PRKAR1B: variants seen among roughly 807,000 people sequenced by gnomAD.
PRKAR1B encodes cAMP-dependent protein kinase type I-beta regulatory subunit.
In PRKAR1B, 22 loss-of-function variants were observed where a neutral mutation model predicts 46.5. The observed-to-expected ratio is 0.47, with a 90% CI of 0.34 to 0.68. The LOEUF is 0.68. PRKAR1B is among the 30% of genes least tolerant of loss of function. PRKAR1B has a pLI of 0.01. For synonymous variants in PRKAR1B, 259 were observed against 217.7 expected (o/e 1.19, Z -1.67); for missense variants, 445 against 535.6 (o/e 0.83, Z 1.67).
At position 550,349 on chromosome 7, in the gene PRKAR1B, G is replaced by T. The variant is rs942868383; in HGVS notation, c.*81C>A. The stretch of plus-strand genomic sequence containing the variant: ...CCCCACCCGGCCCACACCTCACACA[G>T]CGGCTCCCGGGCCCCCGACACAGAC... On this transcript the variant is annotated 3_prime_UTR_variant, in exon 11 of 11. Coordinates refer to ENST00000537384, the MANE Select transcript of PRKAR1B (RefSeq NM_001164760.2). The T allele has an allele frequency of 1.0e-5, 14 of 1,377,880 alleles. No homozygotes were observed. In the Admixed American group the frequency reaches 1.6e-4, roughly 16 times the overall value. 85.4% of individuals were successfully genotyped at this position (1,377,880 alleles called of 1,614,324 possible). A position where few individuals can be genotyped will look rare whatever the true frequency, so the allele number is the denominator to read the frequency against.
chr7:615,839 A>G (rs1468625135), intron 4 of PRKAR1B, among the ~76,000 whole-genome samples: 6 of 151,134 alleles, frequency 4.0e-5, no homozygotes, highest in Non-Finnish European at 8.9e-5. Context: ...AAAAAAAAAA[A>G]AAAGAAAGCA....
rs1391723138 is a variant in PRKAR1B at position 727,220 on chromosome 7, C to G, written c.-33G>C. 123 of 1,352,330 alleles carry G rather than the reference C, an allele frequency of 9.1e-5. No homozygotes were observed. The highest frequency in any genetic ancestry group is 2.7e-4 in the Middle Eastern group (1 of 3,646). The allele number at this position is 1,352,330 out of a possible 1,614,324, so 83.8% of individuals were successfully genotyped here. The stretch of plus-strand genomic sequence containing the variant: ...GCGCTCGCGCCCCACCTGGACGACG[C>G]TCTGCGCGCGCTGCGCTGCTCCCTG... On this transcript the variant is annotated 5_prime_UTR_variant, in exon 1 of 11. Coordinates refer to ENST00000537384, the MANE Select transcript of PRKAR1B (RefSeq NM_001164760.2).
At chr7:598,428 TCACCCTCCAG>T (rs1781398804) in intron 6 of PRKAR1B, among the ~76,000 whole-genome samples, 1 of 54,680 alleles carries the variant, frequency 1.8e-5, no homozygotes, top group Non-Finnish European at 3.8e-5. Context: ...CTAAACACCA[TCACCCTCCAG>T]CACCCTCCAC....
At chr7:694,894 G>C (rs1455335037) in intron 2 of PRKAR1B, among the ~76,000 whole-genome samples, 1 of 152,040 alleles carries the variant, frequency 6.6e-6, no homozygotes, top group Non-Finnish European at 1.5e-5. Flanking sequence ...AAATTAGCCA[G>C]GCGTGGTGGT....
chr7:709,834 C>G (rs899683324), intron 2 of PRKAR1B, among the ~76,000 whole-genome samples: 1 of 152,118 alleles, frequency 6.6e-6, no homozygotes, highest in East Asian at 1.9e-4. Context: ...ACCCAGCAAA[C>G]TTTTTAAATG....
intron 9 of PRKAR1B, among the ~76,000 whole-genome samples, chr7:563,549 C>T (rs1270529049): frequency 6.6e-6 from 1 of 152,056 alleles, no homozygotes; most frequent in African/African-American, 2.4e-5. Context: ...TGTGTGCATG[C>T]ATGTGTGCAC....
chr7:715,070 C>G (rs1211768161), intron 1 of PRKAR1B, among the ~76,000 whole-genome samples: 1 of 152,156 alleles, frequency 6.6e-6, no homozygotes, highest in African/African-American at 2.4e-5. Flanking sequence ...CTGTAATCCC[C>G]AGCTACTCAG....
intron 9 of PRKAR1B, among the ~76,000 whole-genome samples, chr7:571,948 C>A (rs773886431): frequency 5.3e-5 from 8 of 152,216 alleles, no homozygotes; most frequent in Non-Finnish European, 1.0e-4. Context: ...CACTGGGGAG[C>A]GAGCCGGGTG....
chr7:710,594 C>T (rs918207101), intron 2 of PRKAR1B, among the ~76,000 whole-genome samples: 2 of 151,908 alleles, frequency 1.3e-5, no homozygotes, highest in Non-Finnish European at 2.9e-5. Flanking sequence ...ACGTGGAATT[C>T]GACCTCAAAC....
rs1778700508 is a variant in PRKAR1B, at chr7:560,248, T to C, written c.892-8778A>G. Among the ~76,000 whole-genome samples the C allele has an allele frequency of 6.6e-6, 1 of 152,044 alleles. No homozygotes were observed. The highest frequency in any genetic ancestry group is 2.4e-5 in the African/African-American group (1 of 41,354). On this transcript the variant is annotated intron_variant, in intron 9 of 10. Coordinates refer to ENST00000537384, the MANE Select transcript of PRKAR1B (RefSeq NM_001164760.2). This position sits in a 1 kb window ranked among gnomAD's most constrained non-coding sequence, Gnocchi z 4.2. ...AGGTACCTTCCACCATGATTGTAAGTTTCCTGAGACCTCCCCAGCCAGGCA... is the reference window on the plus strand; with the variant it reads ...AGGTACCTTCCACCATGATTGTAAGCTTCCTGAGACCTCCCCAGCCAGGCA...
In PRKAR1B at chr7:667,385, C is replaced by G. The variant is rs1304213545; in HGVS notation, c.440+9844G>C. 6.6e-6 allele frequency among the ~76,000 whole-genome samples: 1 copy of G among 152,170 alleles called. No individual in the cohort carries two copies. The highest frequency in any genetic ancestry group is 6.5e-5 in the Admixed American group (1 of 15,276). ...TTACTTATAAATGACATCCACAACT[C>G]TCTCCTTCCAAAAGATGTTTTAAAC... On this transcript the variant is annotated intron_variant, in intron 4 of 10. Transcript: ENST00000537384. The surrounding 1 kb of genome is among the most constrained non-coding windows in gnomAD (Gnocchi z 4.3).
At chr7:595,951 C>T (rs928517576) in intron 7 of PRKAR1B, among the ~76,000 whole-genome samples, 195 bp downstream of exon 7, 1 of 152,202 alleles carries the variant, frequency 6.6e-6, no homozygotes, top group Non-Finnish European at 1.5e-5. Flanking sequence ...GAAGGGGCCT[C>T]CCCAGCCACC....
chr7:627,297 A>G (rs1377447540), intron 4 of PRKAR1B, among the ~76,000 whole-genome samples: 2 of 152,200 alleles, frequency 1.3e-5, no homozygotes, highest in African/African-American at 4.8e-5. Context: ...GCCCCAAAAG[A>G]TAACATTTTA....
chr7:604,985 G>C (rs1046404807), intron 6 of PRKAR1B, among the ~76,000 whole-genome samples: 3 of 152,198 alleles, frequency 2.0e-5, no homozygotes, highest in Non-Finnish European at 4.4e-5. Context: ...GGGGCTTCCA[G>C]TCTGTGTGCA....
chr7:588,699 ATGG>A (rs1562542043), intron 7 of PRKAR1B, among the ~76,000 whole-genome samples: 47 of 3,074 alleles, frequency 0.015, 2 homozygotes, highest in African/African-American at 0.043. Flanking sequence ...GATGGTGGTG[ATGG>A]TGATGGTGAT....
At chr7:656,579 A>G (rs567076928) in intron 4 of PRKAR1B, among the ~76,000 whole-genome samples, 113 of 148,652 alleles carry the variant, frequency 7.6e-4, no homozygotes, top group African/African-American at 2.0e-3. Context: ...TGGATGGATG[A>G]ATGAATGGAT....
chr7:706,565 C>A (rs1206780222), intron 2 of PRKAR1B, among the ~76,000 whole-genome samples: 4 of 149,950 alleles, frequency 2.7e-5, no homozygotes, highest in Non-Finnish European at 4.4e-5. Context: ...ACTACAGGCA[C>A]CCGCCACCAT....
At chr7:601,975 A>G (rs955617056) in intron 6 of PRKAR1B, among the ~76,000 whole-genome samples, 1 of 151,922 alleles carries the variant, frequency 6.6e-6, no homozygotes, top group Admixed American at 6.5e-5. Flanking sequence ...TGCCAGGACA[A>G]TATATTTGGG....
intron 9 of PRKAR1B, among the ~76,000 whole-genome samples, chr7:569,061 T>C (rs1779343974): frequency 6.7e-6 from 1 of 149,768 alleles, no homozygotes; most frequent in Non-Finnish European, 1.5e-5. Flanking sequence ...TAATGTTACT[T>C]ACATTAACAA....
Sources: gnomAD v4.1 joint callset for allele counts (sites outside exome capture counted in the v4.1 genomes callset) on GRCh38, gnomAD v4.1.1 for gene constraint, Gnocchi (gnomAD v3.1) non-coding constraint, MANE v1.5 for transcripts, NCBI Gene and HGNC (gene_info 2026-07-23, HGNC 2026-07-21) for gene names.